ZNF292: variants seen among roughly 807,000 people sequenced by gnomAD.
ZNF292 encodes the protein 16 zinc-finger domain protein.
Under a neutral mutation model 217.9 loss-of-function variants are expected in ZNF292, and 26 were observed. The ratio of observed to expected loss-of-function variants is 0.12; its 90% CI spans 0.09 to 0.17. The LOEUF (loss-of-function observed/expected upper bound fraction) is 0.17. Among genes scored for constraint, ZNF292 ranks in the 10% least tolerant of loss-of-function variants. ZNF292 has a pLI of 1.00. For missense variants in ZNF292, 2,904 were observed against 3,175.2 expected (o/e 0.91, Z 2.05); for synonymous variants, 1,257 against 1,124.1 (o/e 1.12, Z -2.37).
chr6:87,164,177 G>C (rs867406997), intron 1 of ZNF292, among the ~76,000 whole-genome samples: 1 of 152,076 alleles, frequency 6.6e-6, no homozygotes, highest in African/African-American at 2.4e-5. Flanking sequence ...CAGCTCTCAT[G>C]TTTTCTGGGG....
At chr6:87,188,640 A>G (rs1771732412) in intron 1 of ZNF292, among the ~76,000 whole-genome samples, 1 of 152,046 alleles carries the variant, frequency 6.6e-6, no homozygotes, top group Non-Finnish European at 1.5e-5. Flanking sequence ...CAAAATGCTT[A>G]TGTTGAAATT....
intron 1 of ZNF292, among the ~76,000 whole-genome samples, chr6:87,191,823 CA>C (rs1771829931): frequency 1.3e-5 from 2 of 152,110 alleles, no homozygotes; most frequent in South Asian, 4.1e-4. Flanking sequence ...CCACCACACC[CA>C]GCTAATTTTT....
chr6:87,155,649 G>C lies in ZNF292; in HGVS notation c.58G>C (p.Ala20Pro). The C allele has an allele frequency of 6.3e-7, 1 of 1,582,646 alleles. No individual in the cohort carries two copies. Among genetic ancestry groups the C allele is most frequent in the Middle Eastern group, 2.0e-4 (1 of 5,114 alleles). ...GAGTTGCGGCGAAGGCGGCTGCGTC[G>C]CGGAGCTGCAGCGCCTGGGCGAGCG... Reference protein sequence around the residue: ...RLSCGEGGCVAELQRLGERLQ... With the variant: ...RLSCGEGGCVPELQRLGERLQ... Residue 20 changes from alanine to proline, a missense_variant, in exon 1 of 8, where the codon GCG (alanine) becomes CCG (proline). Coordinates refer to ENST00000369577, the MANE Select transcript of ZNF292 (RefSeq NM_015021.3).
chr6:87,248,391 T>A (rs139951783), intron 7 of ZNF292, among the ~76,000 whole-genome samples: 37 of 152,326 alleles, frequency 2.4e-4, no homozygotes, highest in African/African-American at 7.9e-4. Context: ...CAGTTTTTCC[T>A]CTGTCAACCT....
At chr6:87,185,761 G>A (rs1156245867) in intron 1 of ZNF292, among the ~76,000 whole-genome samples, 6 of 152,054 alleles carry the variant, frequency 3.9e-5, no homozygotes, top group Non-Finnish European at 1.5e-5. Context: ...GAGCCACCAC[G>A]CCCAGCCCTC....
intron 1 of ZNF292, among the ~76,000 whole-genome samples, chr6:87,180,649 G>A (rs1424194545): frequency 2.7e-5 from 4 of 150,232 alleles, no homozygotes; most frequent in Non-Finnish European, 5.9e-5. Flanking sequence ...CCAACTGACT[G>A]TGTATGCTCA....
chr6:87,226,868 C>T (rs923355974), intron 4 of ZNF292, among the ~76,000 whole-genome samples: 6 of 151,544 alleles, frequency 4.0e-5, no homozygotes, highest in Admixed American at 6.6e-5. Flanking sequence ...TTAGTGGAGA[C>T]GGGGTTTCAC....
intron 7 of ZNF292, among the ~76,000 whole-genome samples, chr6:87,253,586 T>G (rs928985716): frequency 1.4e-4 from 21 of 152,180 alleles, no homozygotes; most frequent in African/African-American, 4.8e-4. Flanking sequence ...TCATTTTCTT[T>G]TTGGTCATTG....
At chr6:87,188,147 A>G (rs1029790137) in intron 1 of ZNF292, among the ~76,000 whole-genome samples, 2 of 152,220 alleles carry the variant, frequency 1.3e-5, no homozygotes, top group Non-Finnish European at 2.9e-5. Flanking sequence ...AGCATTCTCT[A>G]GTTTGCCAGT....
At chr6:87,197,419 G>T (rs1771980497) in intron 1 of ZNF292, among the ~76,000 whole-genome samples, 2 of 104,040 alleles carry the variant, frequency 1.9e-5, no homozygotes, top group East Asian at 2.6e-4. Flanking sequence ...TTTAACATTT[G>T]GGTTTTTTTT....
rs1261154337 is a variant in ZNF292, at chr6:87,262,282, TTTA to T, written c.*484_*486del. ...GCGATCAAGTTTTTTAAATTGTTCT[TTTA>T]TTGTTTTAAATTAAGAACTTTTTGA... On this transcript the variant is annotated 3_prime_UTR_variant, in exon 8 of 8. Coordinates refer to ENST00000369577, the MANE Select transcript of ZNF292 (RefSeq NM_015021.3). 1 of 152,128 alleles carries T rather than the reference TTTA, an allele frequency of 6.6e-6. No individual in the cohort carries two copies. The highest frequency in any genetic ancestry group is 2.4e-5 in the African/African-American group (1 of 41,464). 9.4% of individuals were successfully genotyped at this position (152,128 alleles called of 1,614,324 possible). A position where few individuals can be genotyped will look rare whatever the true frequency, so the allele number is the denominator to read the frequency against.
intron 1 of ZNF292, among the ~76,000 whole-genome samples, chr6:87,174,957 T>C (rs563094984): frequency 6.6e-6 from 1 of 152,340 alleles, no homozygotes; most frequent in South Asian, 2.1e-4. Flanking sequence ...GGACTTTTCA[T>C]TTCCTTCCTG....
chr6:87,180,635 T>C (rs1167349810), intron 1 of ZNF292, among the ~76,000 whole-genome samples: 1 of 152,130 alleles, frequency 6.6e-6, no homozygotes, highest in African/African-American at 2.4e-5. Flanking sequence ...AGATTCTCAA[T>C]GTCCCAACTG....
At chr6:87,213,406 G>A (rs977152837) in intron 1 of ZNF292, among the ~76,000 whole-genome samples, 2 of 152,216 alleles carry the variant, frequency 1.3e-5, no homozygotes, top group East Asian at 1.9e-4. Flanking sequence ...CCGGACAGGG[G>A]AGGGGAAGGA....
At chr6:87,236,338 A>G (rs1474779984) in intron 5 of ZNF292, among the ~76,000 whole-genome samples, 1 of 151,800 alleles carries the variant, frequency 6.6e-6, no homozygotes, top group African/African-American at 2.4e-5. Flanking sequence ...ACTGTTTCCC[A>G]GGACCCTTTC....
intron 4 of ZNF292, among the ~76,000 whole-genome samples, chr6:87,221,892 A>G (rs1773098787): frequency 6.6e-6 from 1 of 152,114 alleles, no homozygotes; most frequent in Non-Finnish European, 1.5e-5. Context: ...AACAATTTAT[A>G]CTTAAGTTAA....
At position 87,191,791 on chromosome 6, in the gene ZNF292, G is replaced by A. The variant is rs561501933; in HGVS notation, c.169-24112G>A. ...AAGCGATTCTGGCTCAGCCTCCCAA[G>A]TAGCTGGGGTTGCAGGAGTGCCCAC... is the stretch of plus-strand genomic sequence containing the variant. On this transcript the variant is annotated intron_variant, in intron 1 of 7. Transcript: ENST00000369577. 2.0e-5 allele frequency among the ~76,000 whole-genome samples: 3 copies of A among 152,236 alleles called. No homozygotes were observed. The East Asian group carries it at 5.8e-4, about 29-fold the overall frequency.
At chr6:87,230,591 G>A (rs959379682) in intron 4 of ZNF292, among the ~76,000 whole-genome samples, 9 of 151,910 alleles carry the variant, frequency 5.9e-5, no homozygotes, top group South Asian at 4.2e-4. Context: ...AAAATTAGCC[G>A]GGCGTGGTGG....
intron 1 of ZNF292, among the ~76,000 whole-genome samples, chr6:87,210,077 C>T (rs752401941): frequency 6.6e-6 from 1 of 152,036 alleles, no homozygotes; most frequent in Non-Finnish European, 1.5e-5. Flanking sequence ...TATTTTCCCT[C>T]GTGGTAATCC....
Sources: allele counts gnomAD v4.1 joint callset (sites outside exome capture counted in the v4.1 genomes callset), GRCh38; gene constraint gnomAD v4.1.1; transcripts MANE v1.5; gene names NCBI Gene and HGNC (gene_info 2026-07-23, HGNC 2026-07-21).